NXPE1: variants seen among roughly 807,000 people sequenced by gnomAD.
The protein encoded by NXPE1 is NXPE family member 1.
In NXPE1, 31 loss-of-function variants were observed where a neutral mutation model predicts 33.3. The observed-to-expected ratio is 0.93, with a 90% CI of 0.70 to 1.26. The LOEUF is 1.26. Ranked by LOEUF, NXPE1 falls within the 50% of genes most tolerant of loss-of-function variation. The pLI is 0.00. For synonymous variants in NXPE1, 229 were observed against 231.4 expected (o/e 0.99, Z 0.09); for missense variants, 661 against 655.6 (o/e 1.01, Z -0.09).
At chr11:114,530,778 A>G (rs1391558913) in exon 6 of NXPE1, 3 of 1,614,032 alleles carry the variant, frequency 1.9e-6, no homozygotes, top group African/African-American at 1.3e-5. Context: ...TAGTTTCTCT[A>G]TGATTTCCTT....
chr11:114,551,297 C>A, intron 4 of NXPE1, 86 bp from the exon 5 acceptor site: 1 of 1,346,874 alleles, frequency 7.4e-7, no homozygotes, highest in Non-Finnish European at 9.9e-7. Context: ...TGTAATTTGC[C>A]TCCAACATTT....
At chr11:114,525,530 G>A (rs1042334334) in intron 7 of NXPE1, among the ~76,000 whole-genome samples, 1 of 152,000 alleles carries the variant, frequency 6.6e-6, no homozygotes, top group African/African-American at 2.4e-5. Context: ...CCAAAGCAAG[G>A]TTGGGAAAAA....
chr11:114,524,909 T>C (rs907272660), intron 7 of NXPE1, among the ~76,000 whole-genome samples: 7 of 152,166 alleles, frequency 4.6e-5, no homozygotes, highest in African/African-American at 1.7e-4. Flanking sequence ...CAAAAGCAAC[T>C]CCATTTTAGA....
chr11:114,556,680 A>G (rs1202753166), intron 1 of NXPE1, among the ~76,000 whole-genome samples: 1 of 151,846 alleles, frequency 6.6e-6, no homozygotes, highest in Non-Finnish European at 1.5e-5. Flanking sequence ...TAGTGCTTTC[A>G]TATCATTTTT....
In NXPE1 at chr11:114,550,999, G is replaced by T. The variant is rs78612878; in HGVS notation, c.99+104C>A. 2.7e-5 allele frequency: 17 copies of T among 640,686 alleles called. 1 individual carries two copies. In the South Asian group the frequency reaches 3.2e-4, roughly 12 times the overall value. 39.7% of individuals were successfully genotyped at this position (640,686 alleles called of 1,614,324 possible). On this transcript the variant is annotated intron_variant, in intron 5 of 8. Transcript: ENST00000534921. Reference sequence around the variant, plus strand: ...AGAGAGAAGATAGGGCAGTAGTTGAGGTGGGGGAGGAGGGGCAGGACTAAT... The same window carrying T: ...AGAGAGAAGATAGGGCAGTAGTTGATGTGGGGGAGGAGGGGCAGGACTAAT...
intron 7 of NXPE1, among the ~76,000 whole-genome samples, chr11:114,524,834 T>C (rs1386372028): frequency 6.6e-6 from 1 of 152,172 alleles, no homozygotes; most frequent in Non-Finnish European, 1.5e-5. Context: ...ACTTAATAGT[T>C]TTAGAATAAG....
rs577220354 is a variant in NXPE1, at chr11:114,556,255, C to T, written c.-210-3375G>A. Reference sequence around the variant, plus strand: ...GGTCTTGAAAAGCCTGGGCTTTTTACACCACGTTCCTCCTTTTTACTGGAA... The same window carrying T: ...GGTCTTGAAAAGCCTGGGCTTTTTATACCACGTTCCTCCTTTTTACTGGAA... On this transcript the variant is annotated intron_variant, in intron 1 of 8. Coordinates refer to ENST00000534921, the Ensembl canonical transcript of NXPE1. Among the ~76,000 whole-genome samples the T allele has an allele frequency of 4.3e-4, 66 of 152,300 alleles. 1 individual carries two copies. Among genetic ancestry groups the T allele is most frequent in the African/African-American group, 1.5e-3 (64 of 41,560 alleles).
chr11:114,558,803 CTA>C (rs1340719761), intron 1 of NXPE1, among the ~76,000 whole-genome samples: 1 of 152,166 alleles, frequency 6.6e-6, no homozygotes, highest in Non-Finnish European at 1.5e-5. Flanking sequence ...TATCTATGCC[CTA>C]TGTCCAAGCA....
At chr11:114,545,170 C>G (rs1472314638) in intron 5 of NXPE1, among the ~76,000 whole-genome samples, 1 of 152,140 alleles carries the variant, frequency 6.6e-6, no homozygotes, top group African/African-American at 2.4e-5. Context: ...TCTTATAAAG[C>G]TAAACATAGT....
At chr11:114,535,696 T>G (rs1255084568) in intron 5 of NXPE1, among the ~76,000 whole-genome samples, 1 of 152,092 alleles carries the variant, frequency 6.6e-6, no homozygotes, top group African/African-American at 2.4e-5. Flanking sequence ...GGCCATTACA[T>G]AATGGTAAAG....
chr11:114,555,661 G>A (rs974132494), intron 1 of NXPE1, among the ~76,000 whole-genome samples: 4 of 152,146 alleles, frequency 2.6e-5, no homozygotes, highest in African/African-American at 9.7e-5. Flanking sequence ...TCCTCCTCCT[G>A]TGCATGCCCC....
downstream of NXPE1, among the ~76,000 whole-genome samples, chr11:114,519,227 C>A (rs200024420): frequency 8.4e-4 from 127 of 152,092 alleles, no homozygotes; most frequent in African/African-American, 2.9e-3. Context: ...GCTTTCCCCC[C>A]GTTTGGCAAA....
chr11:114,527,824 G>A lies in NXPE1; in HGVS notation c.895+16C>T. ...TTCCTCTGAGCATCACCTAACTCAGGACAGAGCCAACTTACTGTTACAATT... is the reference window on the plus strand; with the variant it reads ...TTCCTCTGAGCATCACCTAACTCAGAACAGAGCCAACTTACTGTTACAATT... On this transcript the variant is annotated intron_variant, in intron 7 of 8. Coordinates refer to ENST00000534921, the Ensembl canonical transcript of NXPE1. 6.3e-7 allele frequency: 1 copy of A among 1,591,586 alleles called. No homozygotes were observed.
chr11:114,526,057 G>A (rs1947359720), intron 7 of NXPE1, among the ~76,000 whole-genome samples: 1 of 152,176 alleles, frequency 6.6e-6, no homozygotes, highest in Admixed American at 6.5e-5. Context: ...GAAGAGGGAG[G>A]CAGAAGAGTG....
At chr11:114,519,968 T>TCGCCTCCCGGGTTCACGCTAATCTCC (rs1356498370), downstream of NXPE1, among the ~76,000 whole-genome samples, 1 of 117,232 alleles carries the variant, frequency 8.5e-6, no homozygotes, top group African/African-American at 4.5e-5. Flanking sequence ...CTCGGCGAGC[T>TCGCCTCCCGGGTTCACGCTAATCTCC]TGCCCGCTAA....
chr11:114,540,357 A>G (rs956310940), intron 5 of NXPE1, among the ~76,000 whole-genome samples: 7 of 152,244 alleles, frequency 4.6e-5, no homozygotes. Flanking sequence ...ATTTACATAT[A>G]GCAACATGAT....
intron 5 of NXPE1, among the ~76,000 whole-genome samples, chr11:114,544,850 C>A (rs1057091359): frequency 6.6e-6 from 1 of 151,932 alleles, no homozygotes; most frequent in African/African-American, 2.4e-5. Flanking sequence ...CTAGAATATA[C>A]AAAGAACTCT....
At chr11:114,534,943 A>C (rs1947741167) in intron 5 of NXPE1, among the ~76,000 whole-genome samples, 1 of 152,122 alleles carries the variant, frequency 6.6e-6, no homozygotes, top group Non-Finnish European at 1.5e-5. Flanking sequence ...CCACTAAGAT[A>C]CTCCTAGAGA....
At chr11:114,544,111 A>G (rs567043534) in intron 5 of NXPE1, among the ~76,000 whole-genome samples, 6 of 152,348 alleles carry the variant, frequency 3.9e-5, no homozygotes, top group East Asian at 3.8e-4. Context: ...GAGAGATTCC[A>G]TGTTCATGGA....
Sources: allele counts gnomAD v4.1 joint callset (sites outside exome capture counted in the v4.1 genomes callset), GRCh38; gene constraint gnomAD v4.1.1; transcripts MANE v1.5; gene names NCBI Gene and HGNC (gene_info 2026-07-23, HGNC 2026-07-21).